NRXN1: variants seen among roughly 807,000 people sequenced by gnomAD.
NRXN1 encodes the protein neurexin 1.
NRXN1 carries 39 observed loss-of-function variants against 150.9 expected under a neutral mutation model. The observed-to-expected ratio is 0.26, with a 90% CI of 0.20 to 0.34. The LOEUF (loss-of-function observed/expected upper bound fraction) is 0.34, where lower values mean the gene tolerates loss of function less well. Ranked by LOEUF, NRXN1 falls within the 10% of genes least tolerant of loss-of-function variation. The pLI is 1.00. For missense variants in NRXN1, 1,815 were observed against 1,949.9 expected, an observed-to-expected ratio of 0.93 and a Z score of 1.30; for synonymous variants, 924 against 757.0, an observed-to-expected ratio of 1.22 and a Z score of -3.62.
chr2:49,954,897 C>G (rs566747205), intron 21 of NRXN1, among the ~76,000 whole-genome samples: 1 of 152,240 alleles, frequency 6.6e-6, no homozygotes, highest in South Asian at 2.1e-4. Flanking sequence ...CCCAGGGCAT[C>G]TATACAGGAA....
chr2:50,186,059 A>G (rs2061050099), intron 18 of NRXN1, among the ~76,000 whole-genome samples: 1 of 152,092 alleles, frequency 6.6e-6, no homozygotes, highest in South Asian at 2.1e-4. Flanking sequence ...CAATTGATGG[A>G]AAAACTCATA....
intron 8 of NRXN1, among the ~76,000 whole-genome samples, chr2:50,612,557 TA>T (rs1678357344): frequency 6.6e-6 from 1 of 152,150 alleles, no homozygotes; most frequent in Non-Finnish European, 1.5e-5. Context: ...TTATGAGAAA[TA>T]AAAAATGCTT....
At chr2:50,174,884 T>C (rs1342640370) in intron 18 of NRXN1, 2 of 152,174 alleles carry the variant, frequency 1.3e-5, no homozygotes, top group Non-Finnish European at 2.9e-5. Flanking sequence ...AAAATCATAA[T>C]AATAACCATT....
In NRXN1 at chr2:51,028,430, C is replaced by T. The variant is rs201574723; in HGVS notation, c.-157G>A. ...CCCTCCTTTATCTAGTTCTTTTTTT[C>T]TTCTTCTTCTTCCAATAACCCCGCC... On this transcript the variant is annotated 5_prime_UTR_variant, in exon 2 of 23. Transcript: ENST00000401669. 7.8e-5 allele frequency: 35 copies of T among 449,874 alleles called. No individual in the cohort carries two copies. The highest frequency in any genetic ancestry group is 2.9e-4 in the South Asian group (4 of 13,800). The allele number at this position is 449,874 out of a possible 1,614,324, so 27.9% of individuals were successfully genotyped here. A position where few individuals can be genotyped will look rare whatever the true frequency, so the allele number is the denominator to read the frequency against.
At chr2:50,453,213 T>G (rs766277168) in intron 17 of NRXN1, among the ~76,000 whole-genome samples, 54 of 148,090 alleles carry the variant, frequency 3.6e-4, no homozygotes, top group Non-Finnish European at 6.0e-5. Context: ...TAAGGGTATA[T>G]TAGAATCATA....
intron 17 of NRXN1, among the ~76,000 whole-genome samples, chr2:50,462,601 C>G (rs1288392611): frequency 1.3e-5 from 2 of 151,830 alleles, no homozygotes; most frequent in Non-Finnish European, 2.9e-5. Context: ...TCCACATACA[C>G]ACATGCACAA....
At chr2:50,898,707 C>A in intron 5 of NRXN1, 1 of 348,012 alleles carries the variant, frequency 2.9e-6, no homozygotes, top group African/African-American at 2.2e-5. Flanking sequence ...ATAAAAAGCA[C>A]ATTTATAATT....
intron 18 of NRXN1, among the ~76,000 whole-genome samples, chr2:50,225,944 G>A (rs1008023661): frequency 2.6e-5 from 4 of 151,974 alleles, no homozygotes; most frequent in African/African-American, 7.2e-5. Context: ...TATGTGATAT[G>A]TGGTATACTA....
chr2:50,668,636 G>T (rs765501033), intron 5 of NRXN1, among the ~76,000 whole-genome samples: 16 of 151,984 alleles, frequency 1.1e-4, no homozygotes, highest in Non-Finnish European at 2.1e-4. Flanking sequence ...GCGGCAAACA[G>T]TCTCCTCAAT....
intron 5 of NRXN1, among the ~76,000 whole-genome samples, chr2:50,650,437 G>T (rs1275146465): frequency 1.3e-5 from 2 of 152,006 alleles, no homozygotes; most frequent in Non-Finnish European, 2.9e-5. Context: ...AAGCTGCTCT[G>T]AAGTTTAAAC....
At chr2:50,433,200 C>T (rs1558723450) in intron 17 of NRXN1, among the ~76,000 whole-genome samples, 1 of 152,194 alleles carries the variant, frequency 6.6e-6, no homozygotes, top group East Asian at 1.9e-4. Flanking sequence ...CTGAGTTAGT[C>T]AATCCCACTG....
At chr2:50,700,713 T>C (rs546260378) in intron 5 of NRXN1, among the ~76,000 whole-genome samples, 76 of 46,662 alleles carry the variant, frequency 1.6e-3, no homozygotes, top group Middle Eastern at 0.021. Context: ...ACCATATTTA[T>C]TGATTTGCTC....
chr2:50,296,613 C>T (rs2073603690), intron 17 of NRXN1, among the ~76,000 whole-genome samples: 1 of 140,192 alleles, frequency 7.1e-6, no homozygotes. Context: ...GAACAACAGG[C>T]ATGCACTACT....
At chr2:50,321,024 T>A (rs138848322) in intron 17 of NRXN1, among the ~76,000 whole-genome samples, 3 of 152,280 alleles carry the variant, frequency 2.0e-5, no homozygotes, top group Non-Finnish European at 4.4e-5. Context: ...GCATTCAGGA[T>A]TGATTATTAA....
chr2:50,980,006 G>C (rs1696535074), intron 2 of NRXN1, among the ~76,000 whole-genome samples: 1 of 152,036 alleles, frequency 6.6e-6, no homozygotes, highest in African/African-American at 2.4e-5. Context: ...AAAAATAGGA[G>C]GTAGCCAACA....
Position 50,346,198 on chromosome 2 carries a change from T to C in NRXN1, c.3365-109228A>G, listed in dbSNP as rs2077951383. Among the ~76,000 whole-genome samples, 1 of 152,132 alleles carries C rather than the reference T, an allele frequency of 6.6e-6. No homozygotes were observed. The highest frequency in any genetic ancestry group is 2.1e-4 in the South Asian group (1 of 4,830). Reference sequence around the variant, plus strand: ...GCTGTCACTGCAGTCTGGGCGCACTTTGGAGGAATGTGCGGGCTGGAATCT... The same window carrying C: ...GCTGTCACTGCAGTCTGGGCGCACTCTGGAGGAATGTGCGGGCTGGAATCT... On this transcript the variant is annotated intron_variant, in intron 17 of 22. Coordinates refer to ENST00000401669, the MANE Select transcript of NRXN1 (RefSeq NM_001330078.2). This position sits in a 1 kb window ranked among gnomAD's most constrained non-coding sequence, Gnocchi z 5.0.
intron 17 of NRXN1, among the ~76,000 whole-genome samples, chr2:50,297,770 GC>G (rs1435269102): frequency 5.3e-5 from 8 of 152,148 alleles, no homozygotes; most frequent in Non-Finnish European, 1.2e-4. Flanking sequence ...AAAATGTGCA[GC>G]TGAGTAGAGA....
chr2:50,770,680 AT>A (rs1441069789), intron 5 of NRXN1, among the ~76,000 whole-genome samples: 1 of 151,956 alleles, frequency 6.6e-6, no homozygotes, highest in Admixed American at 6.6e-5. Flanking sequence ...ATTCTTTTAA[AT>A]TTTTTATTAC....
At chr2:50,447,813 A>C (rs1220755002) in intron 17 of NRXN1, among the ~76,000 whole-genome samples, 1 of 134,538 alleles carries the variant, frequency 7.4e-6, no homozygotes, top group Non-Finnish European at 1.5e-5. Context: ...TATCCTGCTT[A>C]TGGCTTCTTC....
Sources: allele counts gnomAD v4.1 joint callset (sites outside exome capture counted in the v4.1 genomes callset), GRCh38; gene constraint gnomAD v4.1.1; non-coding constraint Gnocchi (gnomAD v3.1); transcripts MANE v1.5; gene names NCBI Gene and HGNC (gene_info 2026-07-23, HGNC 2026-07-21).